SNX17: variants seen among roughly 807,000 people sequenced by gnomAD.
SNX17 encodes the protein sorting nexin 17.
SNX17 carries 35 observed loss-of-function variants against 64.3 expected under a neutral mutation model. The observed-to-expected ratio is 0.54, with a 90% CI of 0.42 to 0.72. The LOEUF is 0.72. Ranked by LOEUF, SNX17 falls within the 30% of genes least tolerant of loss-of-function variation. The probability of loss-of-function intolerance (pLI) is 0.00; values close to 1 mark genes in which losing one functional copy is unlikely to be tolerated. For missense variants in SNX17, 538 were observed against 610.0 expected (o/e 0.88, Z 1.24); for synonymous variants, 259 against 230.2 (o/e 1.13, Z -1.13).
intron 3 of SNX17, 27 bp from the exon 4 acceptor site, chr2:27,373,220 T>A (rs1182065793): frequency 1.2e-6 from 2 of 1,613,828 alleles, no homozygotes; most frequent in African/African-American, 1.3e-5. Flanking sequence ...GCTAAGTTCC[T>A]GTAATAATGT....
rs752758997 is a variant in SNX17 at position 27,375,988 on chromosome 2, A to C, written c.1104+17A>C. ...AGCCCCCAGGTGTGAACCTACCCTC[A>C]GCCCTCCTCTGGAGCACCTTAAAGT... is the stretch of plus-strand genomic sequence containing the variant. On this transcript the variant is annotated intron_variant, in intron 11 of 14. Transcript: ENST00000233575. This position sits in a 1 kb window ranked among gnomAD's most constrained non-coding sequence, Gnocchi z 4.1. 6.2e-7 allele frequency: 1 copy of C among 1,614,018 alleles called. No homozygotes were observed. The highest frequency in any genetic ancestry group is 2.2e-5 in the East Asian group (1 of 44,878).
At position 27,376,394 on chromosome 2, in the gene SNX17, A is replaced by G. The variant is rs1316404451; in HGVS notation, c.1257+7A>G. On this transcript the variant is annotated splice_region_variant and intron_variant, in intron 13 of 14. Coordinates refer to ENST00000233575, the MANE Select transcript of SNX17 (RefSeq NM_014748.4). ...GAAGTCCCCACCACTGCTTGTAAGT[A>G]TTACCTCCTGGTCAGAACCCTGGCT... 2 of 1,613,858 alleles carry G rather than the reference A, an allele frequency of 1.2e-6. No homozygotes were observed. Among genetic ancestry groups the G allele is most frequent in the Non-Finnish European group, 8.5e-7 (1 of 1,179,950 alleles).
Position 27,376,989 on chromosome 2 carries a change from G to T in SNX17, c.*270G>T. 2.1e-6 allele frequency: 1 copy of T among 474,688 alleles called. No homozygotes were observed. The highest frequency in any genetic ancestry group is 2.2e-5 in the South Asian group (1 of 45,880). 29.4% of individuals were successfully genotyped at this position (474,688 alleles called of 1,614,324 possible). On this transcript the variant is annotated 3_prime_UTR_variant, in exon 15 of 15. Transcript: ENST00000233575. ...AAAGTCTAAGGGACCATGGCTGCCT[G>T]CCTTGGGGAGGAACCATATCTCCCT...
At position 27,374,670 on chromosome 2, in the gene SNX17, C is replaced by G; in HGVS notation, c.612-19C>G. 6.2e-7 allele frequency: 1 copy of G among 1,613,642 alleles called. No individual in the cohort carries two copies. Among genetic ancestry groups the G allele is most frequent in the South Asian group, 1.1e-5 (1 of 91,058 alleles). Reference sequence around the variant, plus strand: ...CCCAGCTTAGCCCCATTACCCCTTTCCACCCCTTGGCCTCACAGTTATTGG... The same window carrying G: ...CCCAGCTTAGCCCCATTACCCCTTTGCACCCCTTGGCCTCACAGTTATTGG... On this transcript the variant is annotated intron_variant, in intron 7 of 14. Transcript: ENST00000233575.
At chr2:27,371,493 G>T in intron 2 of SNX17, 150 bp downstream of exon 2, 1 of 1,386,120 alleles carries the variant, frequency 7.2e-7, no homozygotes, top group Admixed American at 3.3e-5. Context: ...TATCTTGTCT[G>T]ACATTTCCGG....
At position 27,377,011 on chromosome 2, in the gene SNX17, C is replaced by T. The variant is rs568503369; in HGVS notation, c.*292C>T. On this transcript the variant is annotated 3_prime_UTR_variant, in exon 15 of 15. Coordinates refer to ENST00000233575, the MANE Select transcript of SNX17 (RefSeq NM_014748.4). The surrounding 1 kb of genome is among the most constrained non-coding windows in gnomAD (Gnocchi z 4.4). ...CCTGCCTTGGGGAGGAACCATATCT[C>T]CCTCTGGGCCGCTTCTGGCCTCTTG... 35 of 438,600 alleles carry T rather than the reference C, an allele frequency of 8.0e-5. No individual in the cohort carries two copies. Among genetic ancestry groups the T allele is most frequent in the South Asian group, 4.3e-4 (19 of 44,650 alleles). The allele number at this position is 438,600 out of a possible 1,614,324, so 27.2% of individuals were successfully genotyped here.
intron 2 of SNX17, among the ~76,000 whole-genome samples, chr2:27,371,923 T>C (rs1237064200): frequency 6.6e-6 from 1 of 152,216 alleles, no homozygotes; most frequent in Non-Finnish European, 1.5e-5. Flanking sequence ...TCTCTCTTGT[T>C]GCCCAGGCTG....
In SNX17 at chr2:27,375,739, G is replaced by A. The variant is rs146059956; in HGVS notation, c.978+30G>A. 1,605 of 1,612,650 alleles carry A rather than the reference G, an allele frequency of 1.0e-3. 10 individuals carry two copies. The African/African-American group carries it at 0.019, about 19-fold the overall frequency. On this transcript the variant is annotated intron_variant, in intron 10 of 14. Coordinates refer to ENST00000233575, the MANE Select transcript of SNX17 (RefSeq NM_014748.4). This position sits in a 1 kb window ranked among gnomAD's most constrained non-coding sequence, Gnocchi z 4.1. ...GTCGGGTTAGGAGGGGGAAGGGCCT[G>A]GGTTGGGGGCCCGGCAAGCCTTGAG...
At chr2:27,371,391 A>G (rs1046677224) in intron 2 of SNX17, 48 bp downstream of exon 2, 13 of 1,575,464 alleles carry the variant, frequency 8.3e-6, no homozygotes, top group Non-Finnish European at 1.1e-5. Flanking sequence ...CCTTCCCTAC[A>G]CGTGGACATC....
In SNX17 at chr2:27,376,387, TG is replaced by T. The variant is rs1260189452; in HGVS notation, c.1257+1del. The T allele has an allele frequency of 6.2e-7, 1 of 1,613,846 alleles. No homozygotes were observed. The highest frequency in any genetic ancestry group is 8.5e-7 in the Non-Finnish European group (1 of 1,179,950). ...AAGCAGTGAAGTCCCCACCACTGCT[TG>T]TAAGTATTACCTCCTGGTCAGAACC... On this transcript the variant is annotated splice_donor_variant, in intron 13 of 14. Coordinates refer to ENST00000233575, the MANE Select transcript of SNX17 (RefSeq NM_014748.4). LOFTEE classifies it high-confidence loss of function.
Position 27,373,188 on chromosome 2 carries a change from G to A in SNX17, c.257-59G>A, listed in dbSNP as rs893091034. 6.2e-6 allele frequency: 10 copies of A among 1,611,764 alleles called. No homozygotes were observed. In the Admixed American group the frequency reaches 1.7e-4, roughly 27 times the overall value. ...GGTCGGGGGAACCTACTGAGAGGAG[G>A]ACTGGGGAGCCAAGAGTGAGTGCTA... On this transcript the variant is annotated intron_variant, in intron 3 of 14. Coordinates refer to ENST00000233575, the MANE Select transcript of SNX17 (RefSeq NM_014748.4).
chr2:27,372,905 C>T, intron 3 of SNX17, 165 bp downstream of exon 3: 1 of 1,227,898 alleles, frequency 8.1e-7, no homozygotes, highest in South Asian at 1.3e-5. Flanking sequence ...GGATGTGTAA[C>T]TCTGTGTACT....
chr2:27,374,217 G>A (rs1426000759), intron 6 of SNX17, 42 bp downstream of exon 6: 2 of 1,598,278 alleles, frequency 1.3e-6, no homozygotes, highest in Non-Finnish European at 1.7e-6. Flanking sequence ...GGGTACTTCA[G>A]TAGAGTTTGC....
Position 27,375,540 on chromosome 2 carries a change from G to GCTACTTGCGCTTTGATAGTGC in SNX17, c.825_826insAGTGCCTACTTGCGCTTTGAT (p.Asp275_Ala276insSerAlaTyrLeuArgPheAsp), listed in dbSNP as rs2148404281. ...CTGGCCCAGACGCTGCGGCACTATG[G>GCTACTTGCGCTTTGATAGTGC]CTACTTGCGCTTTGATGCCTGTGTG... is the stretch of plus-strand genomic sequence containing the variant. On this transcript the variant is annotated inframe_insertion, in exon 10 of 15. Transcript: ENST00000233575. This position sits in a 1 kb window ranked among gnomAD's most constrained non-coding sequence, Gnocchi z 4.1. The GCTACTTGCGCTTTGATAGTGC allele has an allele frequency of 6.2e-7, 1 of 1,614,170 alleles. No homozygotes were observed. The highest frequency in any genetic ancestry group is 2.2e-5 in the East Asian group (1 of 44,886).
chr2:27,371,199 C>G (rs963947591), intron 1 of SNX17, 70 bp from the exon 2 acceptor site: 1 of 1,437,732 alleles, frequency 7.0e-7, no homozygotes, highest in African/African-American at 1.4e-5. Context: ...CAGGCAACTT[C>G]CGGCCAGGGT....
rs187524222 is a variant in SNX17 at position 27,377,415 on chromosome 2, C to A, written c.*696C>A. The A allele has an allele frequency of 2.0e-6, 2 of 1,013,658 alleles. No homozygotes were observed. Among genetic ancestry groups the A allele is most frequent in the Admixed American group, 4.0e-5 (2 of 50,590 alleles). The allele number at this position is 1,013,658 out of a possible 1,614,324, so 62.8% of individuals were successfully genotyped here. Reference sequence around the variant, plus strand: ...GGCAAGGTCCCCTGGTCCATATGGGCCCCCCCGCCCATGGGGTTGGGCTGG... The same window carrying A: ...GGCAAGGTCCCCTGGTCCATATGGGACCCCCCGCCCATGGGGTTGGGCTGG... On this transcript the variant is annotated 3_prime_UTR_variant, in exon 15 of 15. Coordinates refer to ENST00000233575, the MANE Select transcript of SNX17 (RefSeq NM_014748.4). The surrounding 1 kb of genome is among the most constrained non-coding windows in gnomAD (Gnocchi z 4.4).
intron 1 of SNX17, among the ~76,000 whole-genome samples, 172 bp from the exon 2 acceptor site, chr2:27,371,097 C>T (rs1053924683): frequency 1.2e-4 from 19 of 152,248 alleles, no homozygotes; most frequent in African/African-American, 4.6e-4. Context: ...TCCGAATTTC[C>T]CCCGGACTGG....
intron 1 of SNX17, 64 bp downstream of exon 1, chr2:27,370,870 C>T (rs909825288): frequency 1.1e-5 from 17 of 1,505,676 alleles, no homozygotes; most frequent in Non-Finnish European, 1.5e-5. Flanking sequence ...CGAGCCATCT[C>T]GGAGCGGCCT....
chr2:27,377,457 G>T lies in SNX17; in HGVS notation c.*738G>T. ...TTGGGCTGGTCCTTATAGTGCCTAC[G>T]TTAGTCTGTGTGGAGCCCCTGGCCA... On this transcript the variant is annotated 3_prime_UTR_variant, in exon 15 of 15. Transcript: ENST00000233575. The surrounding 1 kb of genome is among the most constrained non-coding windows in gnomAD (Gnocchi z 4.4). 6.9e-7 allele frequency: 1 copy of T among 1,440,496 alleles called. No individual in the cohort carries two copies. Among genetic ancestry groups the T allele is most frequent in the South Asian group, 1.2e-5 (1 of 86,548 alleles). 89.2% of individuals were successfully genotyped at this position (1,440,496 alleles called of 1,614,324 possible).
Sources: allele counts gnomAD v4.1 joint callset (sites outside exome capture counted in the v4.1 genomes callset), GRCh38; gene constraint gnomAD v4.1.1; non-coding constraint Gnocchi (gnomAD v3.1); transcripts MANE v1.5; gene names NCBI Gene and HGNC (gene_info 2026-07-23, HGNC 2026-07-21).